The following PAX4 variants were observed in gnomAD, a reference collection of about 807,000 sequenced individuals.
PAX4 encodes paired box protein Pax-4.
In PAX4, 33 loss-of-function variants were observed where a neutral mutation model predicts 40.6. That is an observed-to-expected ratio of 0.81 (90% CI 0.62 to 1.09). The LOEUF (loss-of-function observed/expected upper bound fraction) is 1.09. Among genes scored for constraint, PAX4 ranks in the 50% least tolerant of loss-of-function variants. The probability of loss-of-function intolerance (pLI) is 0.00; values close to 1 mark genes in which losing one functional copy is unlikely to be tolerated. For missense variants in PAX4, 459 were observed against 442.5 expected (o/e 1.04, Z -0.33); for synonymous variants, 174 against 170.6 (o/e 1.02, Z -0.16).
chr7:127,611,991 T>G lies in PAX4; in HGVS notation c.725A>C (p.Gln242Pro). The change falls in exon 10 of 12, where the codon CAG becomes CCG. Residue 242 changes from glutamine (Q) to proline (P), a missense_variant. Physicochemically the swap from Gln to Pro is moderately conservative, Grantham distance 76. Coordinates refer to ENST00000639438, the MANE Select transcript of PAX4 (RefSeq NM_001366110.1). The stretch of plus-strand genomic sequence containing the variant: ...GGCAACCCTTGGTACAGTCAGCCCC[T>G]GGGAAGCACCTATAAAATGAGAGTG... Reference protein sequence around the residue: ...KWEMQLPGASQGLTVPRVAPG... With the variant: ...KWEMQLPGASPGLTVPRVAPG... 1 of 1,613,956 alleles carries G rather than the reference T, an allele frequency of 6.2e-7. No homozygotes were observed. Among genetic ancestry groups the G allele is most frequent in the Non-Finnish European group, 8.5e-7 (1 of 1,179,924 alleles).
At chr7:127,612,904 G>A (rs1794658205) in intron 9 of PAX4, 118 bp downstream of exon 9, 3 of 769,680 alleles carry the variant, frequency 3.9e-6, no homozygotes, top group Non-Finnish European at 6.9e-6. Flanking sequence ...ATGGATACAT[G>A]GGTGGATGGA....
At position 127,614,993 on chromosome 7, in the gene PAX4, G is replaced by C. The variant is rs778643442; in HGVS notation, c.247C>G (p.Pro83Ala). 9.9e-6 allele frequency: 16 copies of C among 1,614,052 alleles called. 1 individual carries two copies. In the South Asian group the frequency reaches 1.6e-4, roughly 17 times the overall value. ...GGSKPRLATPPVVARIAQLKG... is the reference protein window; with the variant it reads ...GGSKPRLATPAVVARIAQLKG... Reference sequence around the variant, plus strand: ...AGCTGGGCAATTCGAGCCACCACAGGGGGTGTAGCCAGCCGTGGCTTGCTT... The same window carrying C: ...AGCTGGGCAATTCGAGCCACCACAGCGGGTGTAGCCAGCCGTGGCTTGCTT... Residue 83 changes from proline (P) to alanine (A), a missense_variant, in exon 5 of 12, where the codon CCT becomes GCT. Pro to Ala is a conservative substitution (Grantham distance 27). Transcript: ENST00000639438.
At chr7:127,613,390 C>A (rs759645664) in intron 8 of PAX4, 60 bp downstream of exon 8, 36 of 1,538,108 alleles carry the variant, frequency 2.3e-5, no homozygotes, top group Non-Finnish European at 3.2e-5. Flanking sequence ...GAACCCAAAG[C>A]CCTGGCCGGC....
In PAX4 at chr7:127,613,093, T is replaced by C. The variant is rs1341459273; in HGVS notation, c.646-2A>G. On this transcript the variant is annotated splice_acceptor_variant, in intron 8 of 11. Transcript: ENST00000639438. LOFTEE classifies it high-confidence loss of function. ...GGCTCTTCTGTTGGAAAACCAGACC[T>C]GAGCGAGGACAGGGACAATGCAGCT... 1.9e-6 allele frequency: 3 copies of C among 1,613,060 alleles called. No individual in the cohort carries two copies. The highest frequency in any genetic ancestry group is 2.5e-6 in the Non-Finnish European group (3 of 1,179,488).
At chr7:127,615,159 G>T in intron 4 of PAX4, 64 bp from the exon 5 acceptor site, 1 of 1,612,442 alleles carries the variant, frequency 6.2e-7, no homozygotes, top group Non-Finnish European at 8.5e-7. Flanking sequence ...GAGTGTCCCT[G>T]GGACAGGAGG....
chr7:127,616,464 C>T (rs375770497), intron 2 of PAX4, among the ~76,000 whole-genome samples: 5 of 152,154 alleles, frequency 3.3e-5, no homozygotes, highest in South Asian at 2.1e-4. Context: ...AGGCAGTCCT[C>T]GGTTGGGCTC....
chr7:127,613,557 T>C (rs766512208), intron 7 of PAX4, 25 bp from the exon 8 acceptor site: 1 of 1,612,978 alleles, frequency 6.2e-7, no homozygotes, highest in Non-Finnish European at 8.5e-7. Context: ...TCTCACAAAG[T>C]AAGGGCACCG....
At chr7:127,613,201 C>T in intron 8 of PAX4, 110 bp from the exon 9 acceptor site, 2 of 958,476 alleles carry the variant, frequency 2.1e-6, no homozygotes, top group Non-Finnish European at 3.4e-6. Flanking sequence ...CTTCCTTGGG[C>T]CTGACATCCT....
chr7:127,610,783 C>A lies in PAX4; in HGVS notation c.*281G>T. The A allele has an allele frequency of 8.1e-7, 1 of 1,241,564 alleles. No homozygotes were observed. Among genetic ancestry groups the A allele is most frequent in the Non-Finnish European group, 1.1e-6 (1 of 880,610 alleles). 76.9% of individuals were successfully genotyped at this position (1,241,564 alleles called of 1,614,324 possible). On this transcript the variant is annotated 3_prime_UTR_variant, in exon 12 of 12. Transcript: ENST00000639438. ...GGCATAGGGGTGCTCATAGGGAAAACATGATGGACAACAGAACTACTGCTA... is the reference window on the plus strand; with the variant it reads ...GGCATAGGGGTGCTCATAGGGAAAAAATGATGGACAACAGAACTACTGCTA...
chr7:127,614,506 G>C lies in PAX4; in HGVS notation c.412C>G (p.Pro138Ala), dbSNP rs1451706164. 6.3e-7 allele frequency: 1 copy of C among 1,596,860 alleles called. No homozygotes were observed. The highest frequency in any genetic ancestry group is 8.5e-7 in the Non-Finnish European group (1 of 1,171,262). ...CCTGGTGACCTGAGCCGTGTGCACGGTAGTCCCTGGTCCTCCTGTAATGCC... is the reference window on the plus strand; with the variant it reads ...CCTGGTGACCTGAGCCGTGTGCACGCTAGTCCCTGGTCCTCCTGTAATGCC... Reference protein sequence around the residue: ...LRALQEDQGLPCTRLRSPAVL... With the variant: ...LRALQEDQGLACTRLRSPAVL... The change falls in exon 6 of 12, where the codon CCG (proline) becomes GCG (alanine). Residue 138 changes from proline to alanine, a missense_variant. Coordinates refer to ENST00000639438, the MANE Select transcript of PAX4 (RefSeq NM_001366110.1).
At chr7:127,614,458 C>T (rs1458654563) in intron 6 of PAX4, 24 bp downstream of exon 6, 1 of 1,564,848 alleles carries the variant, frequency 6.4e-7, no homozygotes, top group South Asian at 1.2e-5. Flanking sequence ...TGTGATTAGC[C>T]CTGGGGACAA....
chr7:127,615,304 CCTCA>C, intron 4 of PAX4, 93 bp downstream of exon 4: 1 of 1,610,610 alleles, frequency 6.2e-7, no homozygotes, highest in Non-Finnish European at 8.5e-7. Flanking sequence ...TCCCAGAAGC[CCTCA>C]GAGCCTGCAA....
intron 6 of PAX4, 84 bp from the exon 7 acceptor site, chr7:127,613,965 G>T: frequency 1.3e-6 from 2 of 1,518,440 alleles, no homozygotes; most frequent in Non-Finnish European, 1.8e-6. Context: ...TGGGGCTGCA[G>T]CCGGGAGACA....
At chr7:127,615,722 C>G in intron 3 of PAX4, 191 bp from the exon 4 acceptor site, 1 of 1,504,180 alleles carries the variant, frequency 6.6e-7, no homozygotes. Context: ...ACGGGTGAGT[C>G]TTTGTTCCTT....
Sources: allele counts gnomAD v4.1 joint callset (sites outside exome capture counted in the v4.1 genomes callset), GRCh38; gene constraint gnomAD v4.1.1; transcripts MANE v1.5; gene names NCBI Gene and HGNC (gene_info 2026-07-23, HGNC 2026-07-21).